The following MAP4 variants were observed in gnomAD, a reference collection of about 807,000 sequenced individuals.
MAP4 encodes microtubule associated protein 4.
A neutral mutation model predicts 170.2 loss-of-function variants in MAP4; 76 were observed. The observed-to-expected ratio is 0.45, with a 90% CI of 0.37 to 0.54. The LOEUF is 0.54. Ranked by LOEUF, MAP4 falls within the 20% of genes least tolerant of loss-of-function variation. The pLI, the probability that MAP4 is intolerant of heterozygous loss-of-function variation, is 0.00. For synonymous variants in MAP4, 909 were observed against 994.5 expected, an observed-to-expected ratio of 0.91 and a Z score of 1.62; for missense variants, 2,506 against 2,748.0, an observed-to-expected ratio of 0.91 and a Z score of 1.97.
intron 2 of MAP4, chr3:47,987,233 A>T (rs2100089263): frequency 9.7e-6 from 5 of 514,736 alleles, no homozygotes; most frequent in Non-Finnish European, 1.6e-5. Context: ...GCTTTCGCTA[A>T]ATGTGTCATT....
chr3:47,981,482 G>A (rs2154292420), intron 2 of MAP4, among the ~76,000 whole-genome samples: 1 of 151,922 alleles, frequency 6.6e-6, no homozygotes, highest in African/African-American at 2.4e-5. Context: ...TAATAAAAAA[G>A]AACCTGGCCA....
At chr3:47,990,917 C>T (rs963611088) in intron 2 of MAP4, among the ~76,000 whole-genome samples, 4 of 151,978 alleles carry the variant, frequency 2.6e-5, no homozygotes, top group African/African-American at 9.7e-5. Context: ...AATTGTTTCC[C>T]AAGGTGATAG....
chr3:47,978,691 G>A (rs1305524887), intron 2 of MAP4, among the ~76,000 whole-genome samples: 1 of 150,636 alleles, frequency 6.6e-6, no homozygotes. Context: ...GATGAAGATT[G>A]CATGGAGGTA....
At chr3:47,928,498 G>T in intron 3 of MAP4, 148 bp from the exon 4 acceptor site, 1 of 739,710 alleles carries the variant, frequency 1.4e-6, no homozygotes, top group East Asian at 2.7e-5. Flanking sequence ...TCTTTTAATT[G>T]AAAGATAAAA....
At chr3:47,864,953 ACTGAC>A (rs1185275554) in intron 17 of MAP4, among the ~76,000 whole-genome samples, 1 of 151,976 alleles carries the variant, frequency 6.6e-6, no homozygotes, top group African/African-American at 2.4e-5. Flanking sequence ...TTAGGGAGGG[ACTGAC>A]AGAGATTATG....
chr3:48,021,496 C>T (rs1163842232), intron 1 of MAP4, among the ~76,000 whole-genome samples: 1 of 152,020 alleles, frequency 6.6e-6, no homozygotes, highest in African/African-American at 2.4e-5. Context: ...CACAGGCGTG[C>T]GCCACCACAT....
chr3:47,969,013 A>AT (rs1456330330), intron 3 of MAP4, among the ~76,000 whole-genome samples: 1 of 152,232 alleles, frequency 6.6e-6, no homozygotes, highest in African/African-American at 2.4e-5. Flanking sequence ...TTCTAGAAAC[A>AT]TAAAAACTAC....
intron 1 of MAP4, among the ~76,000 whole-genome samples, chr3:48,001,323 G>T (rs984183268): frequency 6.6e-6 from 1 of 151,774 alleles, no homozygotes; most frequent in Non-Finnish European, 1.5e-5. Flanking sequence ...ACCAAGATTT[G>T]GAAAGATATT....
At chr3:48,032,345 T>TA (rs1169725291) in intron 1 of MAP4, among the ~76,000 whole-genome samples, 1 of 151,310 alleles carries the variant, frequency 6.6e-6, no homozygotes, top group Non-Finnish European at 1.5e-5. Context: ...AAAAAAATAA[T>TA]AAAAAAATTA....
At chr3:48,008,164 C>T (rs985975084) in intron 1 of MAP4, among the ~76,000 whole-genome samples, 27 of 152,168 alleles carry the variant, frequency 1.8e-4, no homozygotes, top group Non-Finnish European at 3.7e-4. Flanking sequence ...GGCTCAAGCA[C>T]GTCCTGAAGG....
At chr3:47,954,043 C>CAAA (rs571850113) in intron 3 of MAP4, among the ~76,000 whole-genome samples, 4 of 151,210 alleles carry the variant, frequency 2.6e-5, no homozygotes, top group Non-Finnish European at 5.9e-5. Flanking sequence ...CAAACAACAA[C>CAAA]AAAAAAAGAA....
At chr3:47,914,694 T>A in intron 8 of MAP4, 123 bp downstream of exon 8, 2 of 1,150,498 alleles carry the variant, frequency 1.7e-6, no homozygotes, top group Non-Finnish European at 1.2e-6. Context: ...TCTAAGAGAA[T>A]TGACTTCATA....
chr3:47,929,313 G>A (rs186472361), intron 3 of MAP4, among the ~76,000 whole-genome samples: 22 of 152,190 alleles, frequency 1.4e-4, no homozygotes, highest in East Asian at 5.8e-4. Context: ...CCAAGATTGC[G>A]CCACTGCACT....
intron 1 of MAP4, among the ~76,000 whole-genome samples, chr3:48,081,010 G>T (rs915205191): frequency 2.6e-5 from 4 of 152,224 alleles, no homozygotes; most frequent in African/African-American, 4.8e-5. Flanking sequence ...TGTATTCCCA[G>T]CTACTAAAGA....
In MAP4 at chr3:48,029,988, C is replaced by CA. The variant is rs67775405; in HGVS notation, c.-19-31110dup. On this transcript the variant is annotated intron_variant, in intron 1 of 18. Transcript: ENST00000360240. ...AGAGCAACTGAGCAAGATTCCATCT[C>CA]AAAAAAAAAAATATATATATATAAT... Among the ~76,000 whole-genome samples, 496 of 130,574 alleles carry CA rather than the reference C, an allele frequency of 3.8e-3. 4 individuals are homozygous for CA. The highest frequency in any genetic ancestry group is 4.3e-3 in the Middle Eastern group (1 of 230). The allele number at this position is 130,574 out of a possible 152,430, so 85.7% of individuals were successfully genotyped here.
intron 1 of MAP4, among the ~76,000 whole-genome samples, chr3:48,057,973 CTA>C (rs1266325453): frequency 3.3e-5 from 5 of 152,188 alleles, no homozygotes; most frequent in African/African-American, 1.2e-4. Context: ...TAAGGCTGAA[CTA>C]TGAGTTACAT....
intron 17 of MAP4, among the ~76,000 whole-genome samples, chr3:47,861,414 A>G (rs954134480): frequency 6.8e-6 from 1 of 146,780 alleles, no homozygotes; most frequent in East Asian, 2.0e-4. Context: ...GTCCAATGGC[A>G]TGATTTCAAC....
At chr3:47,950,009 C>T (rs988273460) in intron 3 of MAP4, among the ~76,000 whole-genome samples, 11 of 152,224 alleles carry the variant, frequency 7.2e-5, no homozygotes, top group African/African-American at 2.7e-4. Context: ...AATACTCTTG[C>T]TTTTAACCCT....
upstream of MAP4, among the ~76,000 whole-genome samples, chr3:48,016,777 C>CTT (rs2100108012): frequency 7.3e-5 from 7 of 95,836 alleles, no homozygotes; most frequent in African/African-American, 1.8e-4. Context: ...ATTCTAAAGG[C>CTT]ATTTTTTTTT....
Sources: gnomAD v4.1 joint callset for allele counts (sites outside exome capture counted in the v4.1 genomes callset) on GRCh38, gnomAD v4.1.1 for gene constraint, MANE v1.5 for transcripts, NCBI Gene and HGNC (gene_info 2026-07-23, HGNC 2026-07-21) for gene names.